FAM13B: variants seen among roughly 807,000 people sequenced by gnomAD.
FAM13B encodes the protein family with sequence similarity 13 member B, also known as protein FAM13B.
In FAM13B, 60 loss-of-function variants were observed where a neutral mutation model predicts 117.3. The observed-to-expected ratio is 0.51, with a 90% CI of 0.42 to 0.63. The LOEUF (loss-of-function observed/expected upper bound fraction) is 0.63. Ranked by LOEUF, FAM13B falls within the 30% of genes least tolerant of loss-of-function variation. The pLI is 0.00. For synonymous variants in FAM13B, 332 were observed against 356.1 expected (o/e 0.93, Z 0.76); for missense variants, 972 against 1,091.9 (o/e 0.89, Z 1.55).
chr5:138,003,725 C>T (rs1040275085), intron 7 of FAM13B, among the ~76,000 whole-genome samples: 2 of 152,174 alleles, frequency 1.3e-5, no homozygotes, highest in Admixed American at 1.3e-4. Flanking sequence ...AGGGCAGACC[C>T]TCTCCCGACC....
intron 4 of FAM13B, among the ~76,000 whole-genome samples, chr5:138,015,104 C>T (rs776493357): frequency 5.3e-5 from 8 of 152,236 alleles, no homozygotes; most frequent in Non-Finnish European, 8.8e-5. Context: ...TGACAATGAA[C>T]GGTTGTCATG....
intron 4 of FAM13B, among the ~76,000 whole-genome samples, chr5:138,014,361 G>A (rs1784774052): frequency 6.6e-6 from 1 of 152,240 alleles, no homozygotes; most frequent in Non-Finnish European, 1.5e-5. Context: ...ACAGCAGGAG[G>A]TGAGCAGCAA....
intron 10 of FAM13B, 98 bp downstream of exon 10, chr5:137,985,159 G>A (rs575072291): frequency 2.6e-6 from 3 of 1,157,316 alleles, no homozygotes; most frequent in East Asian, 2.4e-5. Flanking sequence ...AGACAATTAA[G>A]TGTATCAGCA....
At chr5:138,017,004 T>A (rs957328820) in intron 4 of FAM13B, among the ~76,000 whole-genome samples, 3 of 152,122 alleles carry the variant, frequency 2.0e-5, no homozygotes, top group Non-Finnish European at 4.4e-5. Context: ...AATAATAAAA[T>A]GGATTCAAAA....
intron 7 of FAM13B, among the ~76,000 whole-genome samples, chr5:138,001,666 T>A (rs1337413964): frequency 1.3e-5 from 2 of 152,188 alleles, no homozygotes; most frequent in South Asian, 4.1e-4. Context: ...CAATAATACA[T>A]GTATGTTAGA....
chr5:137,999,393 T>C (rs549477875), intron 7 of FAM13B, among the ~76,000 whole-genome samples: 2 of 152,212 alleles, frequency 1.3e-5, no homozygotes, highest in East Asian at 3.9e-4. Flanking sequence ...CTGGCCAACA[T>C]GGTGAAACCC....
intron 1 of FAM13B, among the ~76,000 whole-genome samples, chr5:138,038,391 A>C (rs774421701): frequency 2.6e-5 from 4 of 152,232 alleles, no homozygotes; most frequent in African/African-American, 4.8e-5. Context: ...AAACAAGTGC[A>C]TATGGAGATG....
At chr5:138,031,599 C>T (rs1209760104) in intron 1 of FAM13B, among the ~76,000 whole-genome samples, 1 of 151,682 alleles carries the variant, frequency 6.6e-6, no homozygotes, top group Non-Finnish European at 1.5e-5. Flanking sequence ...GCAGGAGAAT[C>T]GCTTGAATCC....
At chr5:138,029,831 C>G (rs1581305697) in intron 1 of FAM13B, among the ~76,000 whole-genome samples, 1 of 152,188 alleles carries the variant, frequency 6.6e-6, no homozygotes, top group African/African-American at 2.4e-5. Context: ...GTAAACAAAA[C>G]TGAACTTTTT....
intron 7 of FAM13B, among the ~76,000 whole-genome samples, chr5:138,002,112 T>C (rs1192341585): frequency 2.6e-5 from 4 of 152,204 alleles, no homozygotes; most frequent in Admixed American, 2.0e-4. Context: ...TAAATGATCT[T>C]AGTTTTTAAA....
At chr5:138,048,997 A>G (rs1054388672) in intron 1 of FAM13B, among the ~76,000 whole-genome samples, 2 of 142,000 alleles carry the variant, frequency 1.4e-5, no homozygotes, top group African/African-American at 2.6e-5. Flanking sequence ...GCTGGAGTGC[A>G]GTGGTGAGAT....
chr5:137,986,166 A>C (rs1350010882), intron 9 of FAM13B, among the ~76,000 whole-genome samples: 1 of 152,034 alleles, frequency 6.6e-6, no homozygotes, highest in Non-Finnish European at 1.5e-5. Flanking sequence ...CAAAGTACAC[A>C]AACCAAGGCC....
At chr5:137,944,650 T>C (rs1003917532) in intron 20 of FAM13B, among the ~76,000 whole-genome samples, 1 of 151,748 alleles carries the variant, frequency 6.6e-6, no homozygotes, top group Non-Finnish European at 1.5e-5. Context: ...TCCCAGCTAC[T>C]TGGGAGGCTG....
chr5:138,010,980 AT>A (rs777990112), intron 6 of FAM13B, 27 bp downstream of exon 6: 1 of 1,461,432 alleles, frequency 6.8e-7, no homozygotes. Flanking sequence ...AAAAAAAAAA[AT>A]TATCCCTCCA....
chr5:137,995,246 G>A (rs774530071), intron 7 of FAM13B, among the ~76,000 whole-genome samples: 2 of 152,206 alleles, frequency 1.3e-5, no homozygotes, highest in Admixed American at 6.5e-5. Context: ...ACCCAATCAA[G>A]AGTCTACAAT....
intron 1 of FAM13B, 135 bp downstream of exon 1, chr5:138,032,647 C>A: frequency 1.2e-6 from 1 of 852,104 alleles, no homozygotes; most frequent in Non-Finnish European, 1.4e-6. Flanking sequence ...CTGCTAGAGT[C>A]CTCCACATCC....
chr5:137,985,306 T>C lies in FAM13B; in HGVS notation c.1130A>G (p.Asn377Ser), dbSNP rs1776905996. The change falls in exon 10 of 24, where the codon AAT (asparagine) becomes AGT (serine). Residue 377 changes from asparagine to serine, a missense_variant. Physicochemically the swap from Asn to Ser is conservative, Grantham distance 46. Transcript: ENST00000689681. ...TACACAATCTTGCTGCATAGCTTCATTGTCTAAATTAGTGCTAGCCACAGG... is the reference window on the plus strand; with the variant it reads ...TACACAATCTTGCTGCATAGCTTCACTGTCTAAATTAGTGCTAGCCACAGG... ...SKPVASTNLD[N>S]EAMQQDCVFE... 5 of 1,613,980 alleles carry C rather than the reference T, an allele frequency of 3.1e-6. No homozygotes were observed. Among genetic ancestry groups the C allele is most frequent in the East Asian group, 4.5e-5 (2 of 44,856 alleles).
chr5:137,961,762 A>G (rs999945988), intron 11 of FAM13B, among the ~76,000 whole-genome samples: 1 of 152,224 alleles, frequency 6.6e-6, no homozygotes, highest in Non-Finnish European at 1.5e-5. Context: ...TTCCTAAGAA[A>G]GTTATACTTT....
At chr5:137,999,491 G>A (rs1310683077) in intron 7 of FAM13B, among the ~76,000 whole-genome samples, 2 of 151,918 alleles carry the variant, frequency 1.3e-5, no homozygotes, top group South Asian at 4.2e-4. Context: ...CAGAAGAATC[G>A]CTTGAACCCA....
Sources: gnomAD v4.1 joint callset for allele counts (sites outside exome capture counted in the v4.1 genomes callset) on GRCh38, gnomAD v4.1.1 for gene constraint, MANE v1.5 for transcripts, NCBI Gene and HGNC (gene_info 2026-07-23, HGNC 2026-07-21) for gene names.